FSTL4: variants seen among roughly 807,000 people sequenced by gnomAD.
FSTL4 encodes the protein follistatin-related protein 4.
FSTL4 carries 28 observed loss-of-function variants against 78.2 expected under a neutral mutation model. That is an observed-to-expected ratio of 0.36 (90% CI 0.27 to 0.49). The LOEUF (loss-of-function observed/expected upper bound fraction) is 0.49, where lower values mean the gene tolerates loss of function less well. FSTL4 is among the 20% of genes least tolerant of loss of function. The pLI, the probability that FSTL4 is intolerant of heterozygous loss-of-function variation, is 0.98. For synonymous variants in FSTL4, 422 were observed against 440.5 expected, an observed-to-expected ratio of 0.96 and a Z score of 0.53; for missense variants, 922 against 1,084.9, an observed-to-expected ratio of 0.85 and a Z score of 2.11.
intron 8 of FSTL4, among the ~76,000 whole-genome samples, chr5:133,232,981 G>T (rs77835649): frequency 1.3e-5 from 2 of 152,208 alleles, no homozygotes; most frequent in Non-Finnish European, 2.9e-5. Context: ...AGCCCTTGTC[G>T]GAGGAAATAG....
intron 6 of FSTL4, among the ~76,000 whole-genome samples, chr5:133,257,132 CAATT>C (rs1752399002): frequency 6.6e-6 from 1 of 152,160 alleles, no homozygotes; most frequent in Admixed American, 6.5e-5. Flanking sequence ...GCTCAGTCAA[CAATT>C]ATTTATGGAG....
chr5:133,469,611 A>G (rs1757777603), intron 3 of FSTL4, among the ~76,000 whole-genome samples: 1 of 152,234 alleles, frequency 6.6e-6, no homozygotes, highest in Non-Finnish European at 1.5e-5. Flanking sequence ...TTTTAAAAAC[A>G]AAAGGAGAGG....
the FSTL4 span, among the ~76,000 whole-genome samples, chr5:133,670,805 G>A: frequency 1.3e-5 from 2 of 152,218 alleles, no homozygotes; most frequent in African/African-American, 2.4e-5. Context: ...GAGGGAGTGA[G>A]TACATTTTGC....
chr5:133,616,346 T>TATCTATCTATC (rs1485747614), upstream of FSTL4, among the ~76,000 whole-genome samples: 2 of 151,938 alleles, frequency 1.3e-5, no homozygotes, highest in African/African-American at 4.8e-5. Flanking sequence ...TCTATCTATC[T>TATCTATCTATC]ATCTATCTAA....
At chr5:133,472,366 A>C (rs920787701) in intron 3 of FSTL4, among the ~76,000 whole-genome samples, 1 of 152,236 alleles carries the variant, frequency 6.6e-6, no homozygotes, top group Non-Finnish European at 1.5e-5. Context: ...AGTGCAAGCC[A>C]AGAAAGGAAA....
rs1761063016 is a variant in FSTL4, at chr5:133,610,241, A to T, written c.-11+2084T>A. Among the ~76,000 whole-genome samples the T allele has an allele frequency of 2.0e-5, 3 of 152,252 alleles. No individual in the cohort carries two copies. In the South Asian group the frequency reaches 6.2e-4, roughly 32 times the overall value. On this transcript the variant is annotated intron_variant, in intron 1 of 15. Coordinates refer to ENST00000265342, the MANE Select transcript of FSTL4 (RefSeq NM_015082.2). Reference sequence around the variant, plus strand: ...CAGCCGAAAGGATAAAAGTTCTCCTAATACCCAGAAAAACAAGCTGGCCTT... The same window carrying T: ...CAGCCGAAAGGATAAAAGTTCTCCTTATACCCAGAAAAACAAGCTGGCCTT...
At chr5:133,537,139 G>A (rs148284653) in intron 3 of FSTL4, among the ~76,000 whole-genome samples, 1,945 of 152,178 alleles carry the variant, frequency 0.013, 27 homozygotes, top group Middle Eastern at 0.027. Flanking sequence ...TGGTCCTTTG[G>A]TTTCCACATA....
At chr5:133,231,028 T>C (rs1452884968) in intron 8 of FSTL4, among the ~76,000 whole-genome samples, 1 of 151,992 alleles carries the variant, frequency 6.6e-6, no homozygotes, top group Non-Finnish European at 1.5e-5. Context: ...ACGTTGCCAC[T>C]TCTAGATCAT....
chr5:133,399,749 T>G (rs536323220), intron 4 of FSTL4, among the ~76,000 whole-genome samples: 1 of 152,272 alleles, frequency 6.6e-6, no homozygotes, highest in East Asian at 1.9e-4. Context: ...CCTCCTCCTC[T>G]CCTCCCTGTG....
At chr5:133,223,941 C>T (rs1344291357) in intron 11 of FSTL4, 1 of 439,688 alleles carries the variant, frequency 2.3e-6, no homozygotes, top group Non-Finnish European at 4.1e-6. Flanking sequence ...CCCTTACCAA[C>T]TGTTCTGCTT....
intron 3 of FSTL4, among the ~76,000 whole-genome samples, chr5:133,502,303 G>A (rs890131312): frequency 2.0e-5 from 3 of 152,206 alleles, no homozygotes; most frequent in African/African-American, 7.2e-5. Context: ...TGGCAGAGGA[G>A]AAGTCAAAGG....
chr5:133,701,200 C>T, the FSTL4 span, among the ~76,000 whole-genome samples: 3 of 151,518 alleles, frequency 2.0e-5, no homozygotes, highest in Non-Finnish European at 2.9e-5. Context: ...GTCAGGAGTT[C>T]AACAGCAGCC....
chr5:133,486,131 G>A (rs1407057204), intron 3 of FSTL4, among the ~76,000 whole-genome samples: 2 of 152,098 alleles, frequency 1.3e-5, no homozygotes, highest in Non-Finnish European at 2.9e-5. Flanking sequence ...GCAAGGTGTG[G>A]GCAGAGGCGC....
intron 3 of FSTL4, among the ~76,000 whole-genome samples, chr5:133,415,045 T>G (rs1057413987): frequency 1.3e-5 from 2 of 152,242 alleles, no homozygotes; most frequent in Non-Finnish European, 1.5e-5. Context: ...CTTTCTTTCT[T>G]CGATATGTAG....
intron 3 of FSTL4, among the ~76,000 whole-genome samples, chr5:133,433,578 A>G (rs1756982093): frequency 6.6e-6 from 1 of 152,244 alleles, no homozygotes; most frequent in Non-Finnish European, 1.5e-5. Flanking sequence ...GCAGCCTGCA[A>G]TGGAATTTAT....
chr5:133,500,569 T>C (rs1332174348), intron 3 of FSTL4, among the ~76,000 whole-genome samples: 1 of 152,004 alleles, frequency 6.6e-6, no homozygotes, highest in Non-Finnish European at 1.5e-5. Context: ...ACTCTAGGGG[T>C]GTCATGTCAT....
chr5:133,834,137 G>A, the FSTL4 span, among the ~76,000 whole-genome samples: 1 of 152,168 alleles, frequency 6.6e-6, no homozygotes, highest in African/African-American at 2.4e-5. Flanking sequence ...TCCATCTACT[G>A]GCTTTGCCAA....
chr5:133,371,128 G>A (rs911591480), intron 4 of FSTL4, among the ~76,000 whole-genome samples: 6 of 152,234 alleles, frequency 3.9e-5, no homozygotes, highest in African/African-American at 7.2e-5. Context: ...GAGGGACAGC[G>A]CACAGAGGGC....
rs144491481 is a variant in FSTL4, at chr5:133,343,952, A to T, written c.410-27300T>A. Among the ~76,000 whole-genome samples, 733 of 152,380 alleles carry T rather than the reference A, an allele frequency of 4.8e-3. 10 individuals carry two copies. The highest frequency in any genetic ancestry group is 0.016 in the African/African-American group (683 of 41,590). On this transcript the variant is annotated intron_variant, in intron 4 of 15. Coordinates refer to ENST00000265342, the MANE Select transcript of FSTL4 (RefSeq NM_015082.2). Reference sequence around the variant, plus strand: ...TTAATCATTTCTATGCTAATTCCAGATATATACACACATATTGGCATTTTC... The same window carrying T: ...TTAATCATTTCTATGCTAATTCCAGTTATATACACACATATTGGCATTTTC...
Sources: gnomAD v4.1 joint callset for allele counts (sites outside exome capture counted in the v4.1 genomes callset) on GRCh38, gnomAD v4.1.1 for gene constraint, MANE v1.5 for transcripts, NCBI Gene and HGNC (gene_info 2026-07-23, HGNC 2026-07-21) for gene names.